STAM2: variants seen among roughly 807,000 people sequenced by gnomAD.
STAM2 encodes the protein signal transducing adaptor molecule 2.
In STAM2, 51 loss-of-function variants were observed where a neutral mutation model predicts 65.6. The observed-to-expected ratio is 0.78, with a 90% CI of 0.62 to 0.98. The LOEUF is 0.98. Ranked by LOEUF, STAM2 falls within the 50% of genes least tolerant of loss-of-function variation. STAM2 has a pLI of 0.00. For synonymous variants in STAM2, 198 were observed against 208.4 expected, an observed-to-expected ratio of 0.95 and a Z score of 0.43; for missense variants, 584 against 617.8, an observed-to-expected ratio of 0.95 and a Z score of 0.58.
At chr2:152,146,243 C>G (rs1011325773) in intron 5 of STAM2, among the ~76,000 whole-genome samples, 3 of 143,224 alleles carry the variant, frequency 2.1e-5, no homozygotes, top group African/African-American at 7.8e-5. Context: ...TGCACTCCAG[C>G]CTGGGCAACA....
chr2:152,163,519 A>T (rs1689722619), intron 1 of STAM2, among the ~76,000 whole-genome samples: 1 of 152,240 alleles, frequency 6.6e-6, no homozygotes, highest in Non-Finnish European at 1.5e-5. Context: ...GTGTTTGAAC[A>T]ATATGAAATT....
chr2:152,131,660 A>G, intron 11 of STAM2: 1 of 190,674 alleles, frequency 5.2e-6, no homozygotes, highest in East Asian at 1.2e-4. Context: ...GAAGATGATC[A>G]GAAAAGGCAA....
Position 152,160,859 on chromosome 2 carries a change from G to A in STAM2, c.41-10630C>T, listed in dbSNP as rs1469988051. Among the ~76,000 whole-genome samples, 19 of 147,516 alleles carry A rather than the reference G, an allele frequency of 1.3e-4. No individual in the cohort carries two copies. In the East Asian group the frequency reaches 1.9e-3, roughly 15 times the overall value. ...AGCCCCCCACCCGGCCAGCCGCCCC[G>A]TCCGGGAGGGAGGTGGGGGGGTCAG... is the stretch of plus-strand genomic sequence containing the variant. On this transcript the variant is annotated intron_variant, in intron 1 of 13. Coordinates refer to ENST00000263904, the MANE Select transcript of STAM2 (RefSeq NM_005843.6).
At chr2:152,174,217 A>C (rs928385429) in intron 1 of STAM2, among the ~76,000 whole-genome samples, 11 of 152,240 alleles carry the variant, frequency 7.2e-5, no homozygotes, top group African/African-American at 2.7e-4. Context: ...TTTAAGTTTT[A>C]AAATCATTTG....
chr2:152,172,926 T>C (rs1387955130), intron 1 of STAM2, among the ~76,000 whole-genome samples: 1 of 151,928 alleles, frequency 6.6e-6, no homozygotes, highest in Non-Finnish European at 1.5e-5. Context: ...GTCAACACCT[T>C]TACAGAGAAA....
At chr2:152,157,145 G>A (rs1034894627) in intron 1 of STAM2, among the ~76,000 whole-genome samples, 6 of 152,160 alleles carry the variant, frequency 3.9e-5, no homozygotes, top group African/African-American at 1.4e-4. Context: ...AGCCCAAGAA[G>A]AGCGAGAGAT....
chr2:152,161,459 A>G (rs1165258355), intron 1 of STAM2, among the ~76,000 whole-genome samples: 1 of 148,260 alleles, frequency 6.7e-6, no homozygotes, highest in Non-Finnish European at 1.5e-5. Flanking sequence ...ACCCTGCCAA[A>G]TCCCCCTCTG....
At chr2:152,174,247 TTC>T (rs1236652261) in intron 1 of STAM2, among the ~76,000 whole-genome samples, 1 of 152,216 alleles carries the variant, frequency 6.6e-6, no homozygotes. Flanking sequence ...ATTTTGCGCC[TTC>T]TGTTTTATTT....
chr2:152,119,305 T>G lies in STAM2; in HGVS notation c.*1269A>C, dbSNP rs759742077. ...AACTCTCACAGTTATATAGAATCTA[T>G]TAGCACTATAAACTAACTCAAAATG... On this transcript the variant is annotated 3_prime_UTR_variant, in exon 14 of 14. Transcript: ENST00000263904. 1 of 152,186 alleles carries G rather than the reference T, an allele frequency of 6.6e-6. No individual in the cohort carries two copies. The highest frequency in any genetic ancestry group is 1.5e-5 in the Non-Finnish European group (1 of 68,022). The allele number at this position is 152,186 out of a possible 1,614,324, so 9.4% of individuals were successfully genotyped here. A position where few individuals can be genotyped will look rare whatever the true frequency, so the allele number is the denominator to read the frequency against.
chr2:152,136,722 G>A (rs1689162007), intron 7 of STAM2, among the ~76,000 whole-genome samples: 1 of 151,852 alleles, frequency 6.6e-6, no homozygotes, highest in Admixed American at 6.6e-5. Context: ...CACACGAATA[G>A]GCCATATTTA....
At chr2:152,125,404 C>T (rs897021727) in intron 12 of STAM2, among the ~76,000 whole-genome samples, 2 of 152,160 alleles carry the variant, frequency 1.3e-5, no homozygotes, top group African/African-American at 4.8e-5. Flanking sequence ...TACCCTTTCT[C>T]CTTGGTGTCT....
chr2:152,149,867 T>C lies in STAM2; in HGVS notation c.125+278A>G, dbSNP rs115780294. Among the ~76,000 whole-genome samples, 2,333 of 152,264 alleles carry C rather than the reference T, an allele frequency of 0.015. 65 individuals carry two copies. Among genetic ancestry groups the C allele is most frequent in the African/African-American group, 0.054 (2,223 of 41,546 alleles). The stretch of plus-strand genomic sequence containing the variant: ...ACAGTAGATGGACATATATTTTGTA[T>C]ATACATAATATACTGTATTCTTACA... On this transcript the variant is annotated intron_variant, in intron 2 of 13. Coordinates refer to ENST00000263904, the MANE Select transcript of STAM2 (RefSeq NM_005843.6).
At chr2:152,164,344 T>C (rs898940971) in intron 1 of STAM2, among the ~76,000 whole-genome samples, 1 of 150,908 alleles carries the variant, frequency 6.6e-6, no homozygotes, top group Admixed American at 6.6e-5. Context: ...TGATTAACTT[T>C]TTTTTTTTTT....
intron 7 of STAM2, among the ~76,000 whole-genome samples, chr2:152,137,278 A>C (rs938170189): frequency 6.6e-6 from 1 of 152,164 alleles, no homozygotes; most frequent in Non-Finnish European, 1.5e-5. Context: ...GCATGTAACA[A>C]TGTCATCTTC....
In STAM2 at chr2:152,135,507, A is replaced by C. The variant is rs1579316527; in HGVS notation, c.799+2T>G. On this transcript the variant is annotated splice_donor_variant, in intron 8 of 13. Transcript: ENST00000263904. LOFTEE classifies it high-confidence loss of function. ...TCTAATGTCGTCTAAGATTTAACTT[A>C]CCTGCCTCAGTCTCTATGTTTAAAT... 6.3e-7 allele frequency: 1 copy of C among 1,596,336 alleles called. No homozygotes were observed. The highest frequency in any genetic ancestry group is 8.6e-7 in the Non-Finnish European group (1 of 1,167,782).
chr2:152,171,728 T>C (rs554122979), intron 1 of STAM2, among the ~76,000 whole-genome samples: 2 of 152,320 alleles, frequency 1.3e-5, no homozygotes, highest in East Asian at 1.9e-4. Flanking sequence ...AACCACTGCG[T>C]CCACAGAGTT....
At chr2:152,151,247 T>C (rs1309554619) in intron 1 of STAM2, among the ~76,000 whole-genome samples, 2 of 150,850 alleles carry the variant, frequency 1.3e-5, no homozygotes, top group African/African-American at 2.4e-5. Context: ...AATGGCACGA[T>C]CTCAGCTCAC....
intron 1 of STAM2, among the ~76,000 whole-genome samples, chr2:152,171,106 T>C (rs1230542009): frequency 6.6e-6 from 1 of 152,212 alleles, no homozygotes; most frequent in African/African-American, 2.4e-5. Context: ...AGTGTAGTAT[T>C]ATACTATTAA....
At chr2:152,149,461 T>C (rs937369095) in intron 2 of STAM2, among the ~76,000 whole-genome samples, 2 of 151,724 alleles carry the variant, frequency 1.3e-5, no homozygotes, top group African/African-American at 4.8e-5. Flanking sequence ...GTATAACTTT[T>C]GATTCCCCAA....
Sources: allele counts gnomAD v4.1 joint callset (sites outside exome capture counted in the v4.1 genomes callset), GRCh38; gene constraint gnomAD v4.1.1; transcripts MANE v1.5; gene names NCBI Gene and HGNC (gene_info 2026-07-23, HGNC 2026-07-21).